CPQ: variants seen among roughly 807,000 people sequenced by gnomAD.
The protein encoded by CPQ is carboxypeptidase Q.
In CPQ, 37 loss-of-function variants were observed where a neutral mutation model predicts 45.7. The observed-to-expected ratio is 0.81, with a 90% CI of 0.62 to 1.07. CPQ has a LOEUF of 1.07. CPQ is among the 50% of genes least tolerant of loss of function. The pLI, the probability that CPQ is intolerant of heterozygous loss-of-function variation, is 0.00. For missense variants in CPQ, 537 were observed against 572.9 expected (o/e 0.94, Z 0.64); for synonymous variants, 186 against 205.8 (o/e 0.90, Z 0.82).
intron 7 of CPQ, among the ~76,000 whole-genome samples, chr8:97,125,094 G>A (rs1297132196): frequency 6.6e-6 from 1 of 152,012 alleles, no homozygotes; most frequent in Non-Finnish European, 1.5e-5. Context: ...TCATTAAAAG[G>A]GCACTAAAGG....
chr8:96,690,804 G>A lies in CPQ; in HGVS notation c.-35+45402G>A, dbSNP rs575031492. Among the ~76,000 whole-genome samples the A allele has an allele frequency of 2.0e-5, 3 of 152,256 alleles. No individual in the cohort carries two copies. In the East Asian group the frequency reaches 5.8e-4, roughly 29 times the overall value. ...GCAGGAATTAGAAAAGGCTGGCCTAGAGTCCTTTCCTCACCTATGACTTTA... is the reference window on the plus strand; with the variant it reads ...GCAGGAATTAGAAAAGGCTGGCCTAAAGTCCTTTCCTCACCTATGACTTTA... On this transcript the variant is annotated intron_variant, in intron 1 of 7. Coordinates refer to ENST00000220763, the MANE Select transcript of CPQ (RefSeq NM_016134.4).
chr8:96,767,234 C>T (rs184970641), intron 1 of CPQ, among the ~76,000 whole-genome samples: 182 of 152,292 alleles, frequency 1.2e-3, no homozygotes, highest in Non-Finnish European at 1.6e-3. Flanking sequence ...TTTAGTAGAT[C>T]GCAAGGCAAT....
rs1049426617 is a variant in CPQ at position 96,784,405 on chromosome 8, G to T, written c.-34-459G>T. Among the ~76,000 whole-genome samples the T allele has an allele frequency of 1.1e-3, 167 of 151,748 alleles. 1 individual carries two copies. Among genetic ancestry groups the T allele is most frequent in the Admixed American group, 1.3e-3 (20 of 15,246 alleles). ...AGCAATTATTGTTCTGAGGTGGGGG[G>T]GGGGTTGGTAAAATTATCAAAAACA... is the stretch of plus-strand genomic sequence containing the variant. On this transcript the variant is annotated intron_variant, in intron 1 of 7. Transcript: ENST00000220763.
chr8:96,944,034 CT>C (rs1161341447), intron 4 of CPQ, among the ~76,000 whole-genome samples: 1 of 151,978 alleles, frequency 6.6e-6, no homozygotes, highest in African/African-American at 2.4e-5. Context: ...GATTCAAGTA[CT>C]TTATAAAGCA....
intron 1 of CPQ, among the ~76,000 whole-genome samples, chr8:96,770,338 T>C (rs991926795): frequency 9.2e-5 from 14 of 152,168 alleles, no homozygotes; most frequent in Non-Finnish European, 1.9e-4. Flanking sequence ...CTGCTATCAC[T>C]GTAGTAACTC....
At chr8:96,867,418 G>A (rs781150299) in intron 3 of CPQ, among the ~76,000 whole-genome samples, 2 of 151,834 alleles carry the variant, frequency 1.3e-5, no homozygotes, top group Non-Finnish European at 2.9e-5. Flanking sequence ...GGTGAATAAG[G>A]CAATATTAAG....
chr8:97,132,601 T>C (rs1811975516), intron 7 of CPQ, among the ~76,000 whole-genome samples: 1 of 152,226 alleles, frequency 6.6e-6, no homozygotes, highest in Admixed American at 6.5e-5. Context: ...CAAAAATCTG[T>C]CCATTTGAAC....
chr8:97,137,382 T>G (rs1463473924), intron 7 of CPQ, among the ~76,000 whole-genome samples: 1 of 152,192 alleles, frequency 6.6e-6, no homozygotes, highest in African/African-American at 2.4e-5. Context: ...TGTCCCTTCC[T>G]GTTTCCTGAC....
chr8:97,039,753 G>A (rs1015613580), intron 6 of CPQ, among the ~76,000 whole-genome samples: 6 of 151,904 alleles, frequency 3.9e-5, no homozygotes, highest in East Asian at 1.9e-4. Context: ...TTGTCCTTGC[G>A]ATAGTTTACT....
At chr8:96,789,996 C>T (rs963643417) in intron 2 of CPQ, among the ~76,000 whole-genome samples, 1 of 152,048 alleles carries the variant, frequency 6.6e-6, no homozygotes, top group African/African-American at 2.4e-5. Flanking sequence ...TGTTTCTTTC[C>T]TTGGTTCTTT....
intron 6 of CPQ, among the ~76,000 whole-genome samples, chr8:97,044,303 C>T (rs949540132): frequency 6.8e-4 from 104 of 152,324 alleles, no homozygotes; most frequent in Middle Eastern, 3.4e-3. Flanking sequence ...GCATTCTTCA[C>T]GTAGTTCTTG....
intron 4 of CPQ, among the ~76,000 whole-genome samples, chr8:96,951,967 T>A (rs1813273248): frequency 6.6e-6 from 1 of 152,070 alleles, no homozygotes; most frequent in East Asian, 1.9e-4. Context: ...AAACAAGTCA[T>A]CTCATTTATT....
intron 3 of CPQ, among the ~76,000 whole-genome samples, chr8:96,843,138 C>T (rs1415054869): frequency 6.6e-6 from 1 of 152,130 alleles, no homozygotes; most frequent in African/African-American, 2.4e-5. Flanking sequence ...AACTCTCGAC[C>T]TCAGGTGATC....
chr8:96,701,256 A>G (rs889075467), intron 1 of CPQ, among the ~76,000 whole-genome samples: 3 of 152,198 alleles, frequency 2.0e-5, no homozygotes, highest in Non-Finnish European at 2.9e-5. Context: ...ATAGGCAGTA[A>G]CATCATTCTT....
chr8:96,845,813 C>CTTTTTA (rs1277147837), intron 3 of CPQ, among the ~76,000 whole-genome samples: 5 of 152,132 alleles, frequency 3.3e-5, no homozygotes, highest in East Asian at 1.9e-4. Context: ...AATTGCCTAA[C>CTTTTTA]TTTTTATTTT....
chr8:96,947,001 A>G (rs1317647217), intron 4 of CPQ, among the ~76,000 whole-genome samples: 1 of 152,154 alleles, frequency 6.6e-6, no homozygotes, highest in East Asian at 1.9e-4. Context: ...CTGTCCTCCA[A>G]TTAGAATGTA....
At chr8:96,778,846 CA>C (rs1271898775) in intron 1 of CPQ, among the ~76,000 whole-genome samples, 2 of 151,996 alleles carry the variant, frequency 1.3e-5, no homozygotes, top group Admixed American at 6.6e-5. Context: ...GGGGGTGGAT[CA>C]CAAGGTCAGG....
chr8:96,657,912 GC>G (rs1815656167), intron 1 of CPQ, among the ~76,000 whole-genome samples: 1 of 152,086 alleles, frequency 6.6e-6, no homozygotes, highest in African/African-American at 2.4e-5. Context: ...TCTCTTTTGT[GC>G]CCAGAGCATC....
chr8:97,097,562 G>A (rs1235141068), intron 7 of CPQ, among the ~76,000 whole-genome samples: 1 of 152,142 alleles, frequency 6.6e-6, no homozygotes, highest in African/African-American at 2.4e-5. Flanking sequence ...CCTCTGTCGT[G>A]TAAGTAATGC....
Sources: allele counts gnomAD v4.1 joint callset (sites outside exome capture counted in the v4.1 genomes callset), GRCh38; gene constraint gnomAD v4.1.1; transcripts MANE v1.5; gene names NCBI Gene and HGNC (gene_info 2026-07-23, HGNC 2026-07-21).